ATP5F1D: variants seen among roughly 807,000 people sequenced by gnomAD.
ATP5F1D encodes the protein ATP synthase F(1) complex subunit delta, mitochondrial.
Under a neutral mutation model 13.0 loss-of-function variants are expected in ATP5F1D, and 16 were observed. The observed-to-expected ratio is 1.23, with a 90% confidence interval of 0.83 to 1.87. The LOEUF is 1.87. ATP5F1D is among the 40% of genes most tolerant of loss of function. The pLI is 0.00. For synonymous variants in ATP5F1D, 129 were observed against 116.2 expected, an observed-to-expected ratio of 1.11 and a Z score of -0.71; for missense variants, 294 against 246.2, an observed-to-expected ratio of 1.19 and a Z score of -1.30.
chr19:1,244,218 G>C, intron 3 of ATP5F1D, 33 bp downstream of exon 3: 1 of 1,600,096 alleles, frequency 6.2e-7, no homozygotes, highest in Non-Finnish European at 8.5e-7. Flanking sequence ...GGCTCAGCAG[G>C]TTGGAGCTGT....
chr19:1,242,456 G>A lies in ATP5F1D; in HGVS notation c.142G>A (p.Val48Met), dbSNP rs1327017309. 2.0e-6 allele frequency: 3 copies of A among 1,521,940 alleles called. No homozygotes were observed. Among genetic ancestry groups the A allele is most frequent in the Non-Finnish European group, 2.7e-6 (3 of 1,129,002 alleles). The allele number at this position is 1,521,940 out of a possible 1,614,324, so 94.3% of individuals were successfully genotyped here. A position where few individuals can be genotyped will look rare whatever the true frequency, so the allele number is the denominator to read the frequency against. The change falls in exon 2 of 4, where the codon GTG becomes ATG. Residue 48 changes from valine to methionine, a missense_variant and splice_region_variant. Coordinates refer to ENST00000215375, the MANE Select transcript of ATP5F1D (RefSeq NM_001687.5). ...TCATTCCCCACGCTGTTGTCTGCAG[G>A]TGTTCTTCAACGGTGCCAACGTCCG... ...MSFTFASPTQ[V>M]FFNGANVRQV...
At chr19:1,242,356 C>T (rs1568763370) in intron 1 of ATP5F1D, 100 bp from the exon 2 acceptor site, 1 of 1,330,686 alleles carries the variant, frequency 7.5e-7, no homozygotes, top group Non-Finnish European at 9.8e-7. Context: ...ACATCAGCGC[C>T]AGGTCCTGCC....
intron 2 of ATP5F1D, 43 bp from the exon 3 acceptor site, chr19:1,244,054 G>C (rs1471588191): frequency 2.5e-6 from 4 of 1,570,670 alleles, no homozygotes; most frequent in Non-Finnish European, 3.5e-6. Flanking sequence ...AGGCTGTGCA[G>C]CCCTTTGGGG....
chr19:1,243,561 C>G (rs1393027731), intron 2 of ATP5F1D, among the ~76,000 whole-genome samples: 2 of 152,014 alleles, frequency 1.3e-5, no homozygotes, highest in East Asian at 1.9e-4. Flanking sequence ...GAGGCTGAAG[C>G]AAGAGGACCG....
At position 1,244,158 on chromosome 19, in the gene ATP5F1D, C is replaced by T. The variant is rs745748653; in HGVS notation, c.357C>T (p.Ala119=). The T allele has an allele frequency of 3.2e-5, 51 of 1,612,054 alleles. No individual in the cohort carries two copies. Among genetic ancestry groups the T allele is most frequent in the Admixed American group, 5.0e-5 (3 of 59,914 alleles). Residue 119 remains alanine, a synonymous_variant, in exon 3 of 4, where the codon GCC becomes GCT. Transcript: ENST00000215375. ...CGGTGCAGTTGTTGGCCGAAGAGGC[C>T]GTGACGCTGGACATGTTGGACCTGG... The part of the protein sequence containing the change: ...DSSVQLLAEE[A]VTLDMLDLGA...
chr19:1,244,425 G>A lies in ATP5F1D; in HGVS notation c.495G>A (p.Lys165=), dbSNP rs764335748. The A allele has an allele frequency of 1.3e-6, 2 of 1,558,336 alleles. No homozygotes were observed. The highest frequency in any genetic ancestry group is 1.4e-5 in the African/African-American group (1 of 73,664). The part of the protein sequence containing the change: ...IRIEANEALV[K]ALE ...TCGAGGCCAACGAGGCCCTGGTGAA[G>A]GCCCTGGAGTAGGCGGTGCGTACCC... Residue 165 remains lysine (K), a synonymous_variant, in exon 4 of 4, where the codon AAG becomes AAA. Coordinates refer to ENST00000215375, the MANE Select transcript of ATP5F1D (RefSeq NM_001687.5).
Position 1,244,300 on chromosome 19 carries a change from C to A in ATP5F1D, c.385-15C>A. 6.3e-7 allele frequency: 1 copy of A among 1,590,296 alleles called. No individual in the cohort carries two copies. ...GGTCGCTGCTGGCCCCTCACCGCCCCTCAACCCCTTGCAGGCAGCCAAGGC... is the reference window on the plus strand; with the variant it reads ...GGTCGCTGCTGGCCCCTCACCGCCCATCAACCCCTTGCAGGCAGCCAAGGC... On this transcript the variant is annotated splice_polypyrimidine_tract_variant and intron_variant, in intron 3 of 3. Coordinates refer to ENST00000215375, the MANE Select transcript of ATP5F1D (RefSeq NM_001687.5).
In ATP5F1D at chr19:1,244,355, T is replaced by G; in HGVS notation, c.425T>G (p.Val142Gly). 6.3e-7 allele frequency: 1 copy of G among 1,588,492 alleles called. No individual in the cohort carries two copies. The change falls in exon 4 of 4, where the codon GTG becomes GGG. Residue 142 changes from valine to glycine, a missense_variant. Physicochemically the swap from Val to Gly is moderately radical, Grantham distance 109. Transcript: ENST00000215375. ...ANLEKAQAELVGTADEATRAE... is the reference protein window; with the variant it reads ...ANLEKAQAELGGTADEATRAE... ...TTGGAGAAGGCCCAGGCGGAGCTGG[T>G]GGGGACAGCTGACGAGGCCACGCGG...
At position 1,241,953 on chromosome 19, in the gene ATP5F1D, C is replaced by T. The variant is rs1255152959; in HGVS notation, c.103C>T (p.Pro35Ser). The part of the protein sequence containing the change: ...AAAAPAAASG[P>S]NQMSFTFASP... ...CGCCGCCCCGGCTGCCGCCTCTGGC[C>T]CCAACCAGATGTCCTTCACCTTCGC... The change falls in exon 1 of 4, where the codon CCC becomes TCC. Residue 35 changes from proline to serine, a missense_variant. Pro to Ser is a moderately conservative substitution (Grantham distance 74). Transcript: ENST00000215375. 4.7e-6 allele frequency: 7 copies of T among 1,493,974 alleles called. No individual in the cohort carries two copies. The South Asian group carries it at 6.4e-5, about 14-fold the overall frequency. 92.5% of individuals were successfully genotyped at this position (1,493,974 alleles called of 1,614,324 possible). A position where few individuals can be genotyped will look rare whatever the true frequency, so the allele number is the denominator to read the frequency against.
intron 2 of ATP5F1D, 33 bp downstream of exon 2, chr19:1,242,642 A>C (rs1327715939): frequency 6.8e-7 from 1 of 1,462,744 alleles, no homozygotes; most frequent in Non-Finnish European, 9.1e-7. Context: ...GGGCCAGGCC[A>C]GGCTGGGGCT....
chr19:1,244,253 G>A (rs1447245858), intron 3 of ATP5F1D, 62 bp from the exon 4 acceptor site: 9 of 1,580,788 alleles, frequency 5.7e-6, no homozygotes, highest in Non-Finnish European at 6.9e-6. Flanking sequence ...AGGGAGCGCT[G>A]GGGGACCAGG....
At chr19:1,242,312 T>G in intron 1 of ATP5F1D, 144 bp from the exon 2 acceptor site, 1 of 1,076,104 alleles carries the variant, frequency 9.3e-7, no homozygotes, top group Non-Finnish European at 1.2e-6. Flanking sequence ...AAGCTGCAAC[T>G]TCGGATCCCT....
intron 2 of ATP5F1D, 148 bp downstream of exon 2, chr19:1,242,757 A>G: frequency 9.9e-7 from 1 of 1,010,390 alleles, no homozygotes; most frequent in South Asian, 2.5e-5. Context: ...TGGGAGGCCG[A>G]GGCAGGTGGA....
intron 1 of ATP5F1D, 80 bp from the exon 2 acceptor site, chr19:1,242,376 T>G (rs2145471694): frequency 7.1e-7 from 1 of 1,410,952 alleles, no homozygotes; most frequent in Non-Finnish European, 9.3e-7. Context: ...CCTGACCCAT[T>G]ACTTAGCAGG....
At chr19:1,243,990 T>G in intron 2 of ATP5F1D, 107 bp from the exon 3 acceptor site, 2 of 1,137,362 alleles carry the variant, frequency 1.8e-6, no homozygotes, top group Non-Finnish European at 2.5e-6. Context: ...GACTTGGATG[T>G]TTGTGGAGCT....
chr19:1,244,300 C>G lies in ATP5F1D; in HGVS notation c.385-15C>G, dbSNP rs778239491. 2.5e-6 allele frequency: 4 copies of G among 1,590,178 alleles called. No homozygotes were observed. The highest frequency in any genetic ancestry group is 1.3e-5 in the African/African-American group (1 of 74,600). ...GGTCGCTGCTGGCCCCTCACCGCCCCTCAACCCCTTGCAGGCAGCCAAGGC... is the reference window on the plus strand; with the variant it reads ...GGTCGCTGCTGGCCCCTCACCGCCCGTCAACCCCTTGCAGGCAGCCAAGGC... On this transcript the variant is annotated splice_polypyrimidine_tract_variant and intron_variant, in intron 3 of 3. Coordinates refer to ENST00000215375, the MANE Select transcript of ATP5F1D (RefSeq NM_001687.5).
At chr19:1,242,100 G>T in intron 1 of ATP5F1D, 109 bp downstream of exon 1, 1 of 1,231,986 alleles carries the variant, frequency 8.1e-7, no homozygotes, top group South Asian at 2.9e-5. Flanking sequence ...CGCGCGCCCC[G>T]GAAGCCGAGG....
At chr19:1,243,926 G>A (rs1050869831) in intron 2 of ATP5F1D, 171 bp from the exon 3 acceptor site, 24 of 653,088 alleles carry the variant, frequency 3.7e-5, no homozygotes, top group Middle Eastern at 3.6e-4. Context: ...GCAGTTGCCC[G>A]CCATGTTGGG....
In ATP5F1D at chr19:1,242,384, A is replaced by C. The variant is rs2081041770; in HGVS notation, c.142-72A>C. 3 of 1,426,956 alleles carry C rather than the reference A, an allele frequency of 2.1e-6. No individual in the cohort carries two copies. In the South Asian group the frequency reaches 4.5e-5, roughly 21 times the overall value. The allele number at this position is 1,426,956 out of a possible 1,614,324, so 88.4% of individuals were successfully genotyped here. On this transcript the variant is annotated intron_variant, in intron 1 of 3. Coordinates refer to ENST00000215375, the MANE Select transcript of ATP5F1D (RefSeq NM_001687.5). ...GTCCTGCCCTGACCCATTACTTAGCAGGACAGGCCGAGTGCCCGGTGGGCG... is the reference window on the plus strand; with the variant it reads ...GTCCTGCCCTGACCCATTACTTAGCCGGACAGGCCGAGTGCCCGGTGGGCG...
Sources: gnomAD v4.1 joint callset for allele counts (sites outside exome capture counted in the v4.1 genomes callset) on GRCh38, gnomAD v4.1.1 for gene constraint, MANE v1.5 for transcripts, NCBI Gene and HGNC (gene_info 2026-07-23, HGNC 2026-07-21) for gene names.